The following MACF1 variants were observed in gnomAD, a reference collection of about 807,000 sequenced individuals.
MACF1 encodes microtubule-actin cross-linking factor 1.
In MACF1, 193 loss-of-function variants were observed where a neutral mutation model predicts 854.8. That is an observed-to-expected ratio of 0.23 (90% CI 0.20 to 0.25). MACF1 has a LOEUF of 0.25. Among genes scored for constraint, MACF1 ranks in the 10% least tolerant of loss-of-function variants. The pLI is 1.00. For synonymous variants in MACF1, 3,185 were observed against 3,226.7 expected (o/e 0.99, Z 0.44); for missense variants, 7,722 against 8,929.1 (o/e 0.86, Z 5.45).
At chr1:39,172,389 A>G (rs1643962948) in intron 2 of MACF1, among the ~76,000 whole-genome samples, 1 of 152,158 alleles carries the variant, frequency 6.6e-6, no homozygotes, top group Non-Finnish European at 1.5e-5. Context: ...TATGCCAGAC[A>G]TTTGAAACTT....
chr1:39,462,334 G>A (rs751596695), intron 93 of MACF1, among the ~76,000 whole-genome samples: 19 of 152,290 alleles, frequency 1.2e-4, no homozygotes, highest in Non-Finnish European at 2.2e-4. Context: ...CACTCGTCCT[G>A]TGTTTGGGAT....
At chr1:39,417,192 A>G (rs1392857571) in intron 58 of MACF1, among the ~76,000 whole-genome samples, 2 of 152,194 alleles carry the variant, frequency 1.3e-5, no homozygotes, top group African/African-American at 2.4e-5. Context: ...TGTAATTGCA[A>G]TAACAACAGA....
At chr1:39,429,752 T>C (rs1643838451) in intron 64 of MACF1, 75 bp from the exon 65 acceptor site, 1 of 1,420,134 alleles carries the variant, frequency 7.0e-7, no homozygotes, top group East Asian at 2.3e-5. Context: ...AAAGCTCTGA[T>C]TTGAAGAAAG....
Position 39,334,768 on chromosome 1 carries a change from T to G in MACF1, c.8180T>G (p.Leu2727Ter). The G allele has an allele frequency of 6.2e-7, 1 of 1,614,130 alleles. No individual in the cohort carries two copies. Among genetic ancestry groups the G allele is most frequent in the East Asian group, 2.2e-5 (1 of 44,878 alleles). ...MVRIIASHQV[L>*]NGGIVDIFSD... ...AGAATTATTGCATCTCATCAGGTGT[T>G]AAATGGAGGAATTGTTGACATATTT... is the stretch of plus-strand genomic sequence containing the variant. Residue 2727 changes from leucine to a stop codon, truncating the protein, a stop_gained, in exon 37 of 101, where the codon TTA becomes TGA. Transcript: ENST00000564288. LOFTEE classifies it high-confidence loss of function.
At chr1:39,192,722 A>C (rs1343930229) in intron 2 of MACF1, among the ~76,000 whole-genome samples, 2 of 152,226 alleles carry the variant, frequency 1.3e-5, no homozygotes, top group Non-Finnish European at 2.9e-5. Flanking sequence ...GAGAAACACT[A>C]ATCTAGTGAT....
chr1:39,435,605 A>G lies in MACF1; in HGVS notation c.17832A>G (p.Leu5944=), dbSNP rs1437574277. Residue 5944 remains leucine (L), a synonymous_variant, in exon 70 of 101, where the codon CTA becomes CTG. Coordinates refer to ENST00000564288, the MANE Select transcript of MACF1 (RefSeq NM_001394062.1). The stretch of plus-strand genomic sequence containing the variant: ...AACACAAACCTCATATTGACAAACT[A>G]CTAAAGATAGGCCCACAACTAAAGG... ...IAEHKPHIDK[L]LKIGPQLKEL... 3.1e-6 allele frequency: 5 copies of G among 1,614,232 alleles called. No homozygotes were observed. Among genetic ancestry groups the G allele is most frequent in the Non-Finnish European group, 4.2e-6 (5 of 1,180,024 alleles).
Position 39,477,763 on chromosome 1 carries a change from C to T in MACF1, c.21959-2035C>T, listed in dbSNP as rs558665136. On this transcript the variant is annotated intron_variant, in intron 97 of 100. Transcript: ENST00000564288. ...CCTCTACTGCCACTTTGCTTGACCT[C>T]AGCCTCTGTGAGTACTTAAGTGTCT... Among the ~76,000 whole-genome samples, 10 of 152,216 alleles carry T rather than the reference C, an allele frequency of 6.6e-5. No individual in the cohort carries two copies. The South Asian group carries it at 1.2e-3, about 19-fold the overall frequency.
At chr1:39,451,603 A>G (rs541344614) in intron 85 of MACF1, among the ~76,000 whole-genome samples, 1 of 152,232 alleles carries the variant, frequency 6.6e-6, no homozygotes, top group East Asian at 1.9e-4. Context: ...AGGCACGCCA[A>G]TATTTAACAT....
chr1:39,383,941 T>C (rs1650472260), intron 56 of MACF1, among the ~76,000 whole-genome samples: 1 of 152,170 alleles, frequency 6.6e-6, no homozygotes, highest in Admixed American at 6.5e-5. Context: ...AATAGGCTAT[T>C]CTGCTTCTGC....
At chr1:39,440,101 CTTTTCTTTTCTTTTTTTTTT>C in intron 72 of MACF1, among the ~76,000 whole-genome samples, 1 of 82,634 alleles carries the variant, frequency 1.2e-5, no homozygotes, top group Non-Finnish European at 2.6e-5. Context: ...CTTTTCTTTT[CTTTTCTTTTCTTTTTTTTTT>C]TTTTTTTTGG....
chr1:39,432,747 T>C, intron 67 of MACF1, 93 bp downstream of exon 67: 1 of 1,292,658 alleles, frequency 7.7e-7, no homozygotes, highest in Non-Finnish European at 1.0e-6. Context: ...GTGGAATAAT[T>C]TAGTGGCATG....
At chr1:39,419,661 T>G (rs1423981765) in intron 58 of MACF1, among the ~76,000 whole-genome samples, 1 of 152,186 alleles carries the variant, frequency 6.6e-6, no homozygotes, top group East Asian at 1.9e-4. Flanking sequence ...AGATGGAGTT[T>G]CTCTCTTGTT....
rs565983983 is a variant in MACF1 at position 39,318,723 on chromosome 1, C to T, written c.3945+108C>T. The T allele has an allele frequency of 9.2e-6, 11 of 1,195,844 alleles. No individual in the cohort carries two copies. The East Asian group carries it at 2.6e-4, about 28-fold the overall frequency. The allele number at this position is 1,195,844 out of a possible 1,614,324, so 74.1% of individuals were successfully genotyped here. A position where few individuals can be genotyped will look rare whatever the true frequency, so the allele number is the denominator to read the frequency against. On this transcript the variant is annotated intron_variant, in intron 30 of 100. Transcript: ENST00000564288. ...AAAGCTTCCTCCAAATGGAAGATATCCAAATTCCCTTTTCTTTGAGTGGTT... is the reference window on the plus strand; with the variant it reads ...AAAGCTTCCTCCAAATGGAAGATATTCAAATTCCCTTTTCTTTGAGTGGTT...
At chr1:39,295,298 G>A in intron 19 of MACF1, 148 bp downstream of exon 19, 2 of 660,882 alleles carry the variant, frequency 3.0e-6, no homozygotes, top group Non-Finnish European at 5.2e-6. Flanking sequence ...ATTCCTGACT[G>A]TTCCTATGTC....
At chr1:39,200,232 A>C (rs1644372645), upstream of MACF1, among the ~76,000 whole-genome samples, 1 of 152,174 alleles carries the variant, frequency 6.6e-6, no homozygotes, top group African/African-American at 2.4e-5. Context: ...CTTCTGGGAT[A>C]GCTTACTCTT....
Position 39,395,636 on chromosome 1 carries a change from C to T in MACF1, c.15816+6978C>T, listed in dbSNP as rs201073758. Among the ~76,000 whole-genome samples the T allele has an allele frequency of 2.6e-5, 4 of 152,280 alleles. No individual in the cohort carries two copies. In the East Asian group the frequency reaches 5.8e-4, roughly 22 times the overall value. On this transcript the variant is annotated intron_variant, in intron 58 of 100. Transcript: ENST00000564288. ...GTTCTGTGCCTTTAAGGGGAGACTACAGTCTCTCAGTTGTTCTCCACAGCC... is the reference window on the plus strand; with the variant it reads ...GTTCTGTGCCTTTAAGGGGAGACTATAGTCTCTCAGTTGTTCTCCACAGCC...
intron 6 of MACF1, among the ~76,000 whole-genome samples, chr1:39,259,451 A>G (rs555055765): frequency 1.8e-4 from 28 of 152,100 alleles, no homozygotes; most frequent in African/African-American, 6.7e-4. Flanking sequence ...TAGTAGAGAT[A>G]GAGTTTCACC....
intron 46 of MACF1, 23 bp from the exon 47 acceptor site, chr1:39,359,118 T>G (rs1411061841): frequency 1.2e-6 from 2 of 1,613,728 alleles, no homozygotes; most frequent in Non-Finnish European, 1.7e-6. Flanking sequence ...TGTTTTTCTT[T>G]TGTTTTTTTC....
At chr1:39,207,258 T>C (rs777191044) in intron 1 of MACF1, among the ~76,000 whole-genome samples, 16 of 150,712 alleles carry the variant, frequency 1.1e-4, no homozygotes, top group Non-Finnish European at 1.6e-4. Flanking sequence ...ATAGTTGTTT[T>C]TTTCTTTCTT....
Sources: allele counts gnomAD v4.1 joint callset (sites outside exome capture counted in the v4.1 genomes callset), GRCh38; gene constraint gnomAD v4.1.1; transcripts MANE v1.5; gene names NCBI Gene and HGNC (gene_info 2026-07-23, HGNC 2026-07-21).